CLASP2: variants seen among roughly 807,000 people sequenced by gnomAD.
CLASP2 encodes the protein CLIP-associating protein 2.
CLASP2 carries 47 observed loss-of-function variants against 194.4 expected under a neutral mutation model. The ratio of observed to expected loss-of-function variants is 0.24; its 90% CI spans 0.19 to 0.31. The LOEUF (loss-of-function observed/expected upper bound fraction) is 0.31, where lower values mean the gene tolerates loss of function less well. Among genes scored for constraint, CLASP2 ranks in the 10% least tolerant of loss-of-function variants. The probability of loss-of-function intolerance (pLI) is 1.00; values close to 1 mark genes in which losing one functional copy is unlikely to be tolerated. For missense variants in CLASP2, 1,445 were observed against 1,823.6 expected, an observed-to-expected ratio of 0.79 and a Z score of 3.78; for synonymous variants, 619 against 633.5, an observed-to-expected ratio of 0.98 and a Z score of 0.34.
intron 8 of CLASP2, among the ~76,000 whole-genome samples, chr3:33,637,832 C>CT (rs1349027525): frequency 1.3e-5 from 2 of 152,134 alleles, no homozygotes; most frequent in African/African-American, 4.8e-5. Flanking sequence ...CACATAAAAC[C>CT]TTTGACTAAA....
chr3:33,633,080 T>C (rs1364291147), intron 8 of CLASP2, among the ~76,000 whole-genome samples: 1 of 152,178 alleles, frequency 6.6e-6, no homozygotes, highest in East Asian at 1.9e-4. Context: ...TTGCTTTCCA[T>C]TATTTGCAGT....
intron 13 of CLASP2, among the ~76,000 whole-genome samples, chr3:33,611,049 C>CACACAT (rs1233833206): frequency 1.3e-5 from 2 of 152,118 alleles, no homozygotes; most frequent in African/African-American, 2.4e-5. Flanking sequence ...TTACAACACA[C>CACACAT]ACACATACAC....
At chr3:33,553,064 A>G (rs1331967597) in intron 29 of CLASP2, among the ~76,000 whole-genome samples, 2 of 152,188 alleles carry the variant, frequency 1.3e-5, no homozygotes, top group African/African-American at 2.4e-5. Flanking sequence ...TTGAGAAAAA[A>G]TTGTCAAATT....
intron 34 of CLASP2, among the ~76,000 whole-genome samples, chr3:33,524,377 G>T (rs1233180560): frequency 1.3e-5 from 2 of 152,088 alleles, no homozygotes; most frequent in Non-Finnish European, 2.9e-5. Context: ...GTGCGTTGGT[G>T]CATGCCTGTA....
At chr3:33,616,132 T>C (rs1257819625) in intron 12 of CLASP2, among the ~76,000 whole-genome samples, 1 of 151,904 alleles carries the variant, frequency 6.6e-6, no homozygotes, top group Non-Finnish European at 1.5e-5. Flanking sequence ...CCCAAAATAA[T>C]GCCTCTGCCA....
intron 10 of CLASP2, among the ~76,000 whole-genome samples, chr3:33,624,958 G>C (rs1053793624): frequency 6.6e-6 from 1 of 151,986 alleles, no homozygotes. Context: ...AACACTGTAA[G>C]ATTATACATG....
intron 1 of CLASP2, among the ~76,000 whole-genome samples, chr3:33,700,338 AATC>A: frequency 6.6e-6 from 1 of 152,132 alleles, no homozygotes; most frequent in South Asian, 2.1e-4. Context: ...GAGGCACGAG[AATC>A]ATCTGAACTT....
chr3:33,580,432 G>A (rs2065798177), intron 23 of CLASP2, among the ~76,000 whole-genome samples: 1 of 151,924 alleles, frequency 6.6e-6, no homozygotes, highest in African/African-American at 2.4e-5. Context: ...GTGTGGTGGT[G>A]GGTGCCTGTA....
Position 33,620,506 on chromosome 3 carries a change from T to G in CLASP2, c.1182-768A>C, listed in dbSNP as rs533629994. 1.2e-3 allele frequency among the ~76,000 whole-genome samples: 183 copies of G among 152,322 alleles called. 1 individual carries two copies. Among genetic ancestry groups the G allele is most frequent in the Non-Finnish European group, 2.3e-3 (156 of 68,018 alleles). Reference sequence around the variant, plus strand: ...TAGCTCCAATAATTCAGGTTCTTGATTCAAAGAGCTCAGATTCCGACCTAT... The same window carrying G: ...TAGCTCCAATAATTCAGGTTCTTGAGTCAAAGAGCTCAGATTCCGACCTAT... On this transcript the variant is annotated intron_variant, in intron 11 of 38. Transcript: ENST00000682230.
chr3:33,525,718 G>C (rs947619196), intron 34 of CLASP2, among the ~76,000 whole-genome samples: 3 of 152,192 alleles, frequency 2.0e-5, no homozygotes, highest in African/African-American at 7.2e-5. Context: ...TCAGATACTC[G>C]GGCTTTCAGG....
intron 24 of CLASP2, chr3:33,574,634 C>T (rs946509023): frequency 8.2e-6 from 4 of 486,718 alleles, no homozygotes; most frequent in Non-Finnish European, 1.4e-5. Flanking sequence ...CAAAGAACTG[C>T]TTATTAGCAG....
At chr3:33,651,110 T>C (rs1270591240) in intron 7 of CLASP2, among the ~76,000 whole-genome samples, 2 of 152,144 alleles carry the variant, frequency 1.3e-5, no homozygotes, top group Non-Finnish European at 2.9e-5. Context: ...TGGCTGGGCG[T>C]AGTGGTTCAC....
intron 29 of CLASP2, among the ~76,000 whole-genome samples, chr3:33,552,338 C>T (rs936544343): frequency 6.6e-5 from 10 of 152,080 alleles, no homozygotes; most frequent in Admixed American, 2.0e-4. Flanking sequence ...ATGCTGGTCT[C>T]GAACTCCTGA....
chr3:33,708,524 GTATATATA>G (rs1313224061), intron 1 of CLASP2, among the ~76,000 whole-genome samples: 106 of 100,152 alleles, frequency 1.1e-3, no homozygotes, highest in African/African-American at 4.3e-3. Flanking sequence ...ATGTATATAT[GTATATATA>G]TATGTATATA....
At chr3:33,655,756 C>T (rs2154326821) in intron 7 of CLASP2, among the ~76,000 whole-genome samples, 1 of 152,212 alleles carries the variant, frequency 6.6e-6, no homozygotes. Context: ...TATATATACA[C>T]ACATACCAAG....
At chr3:33,559,120 A>T (rs1261972053) in intron 29 of CLASP2, 187 bp downstream of exon 29, 2 of 685,096 alleles carry the variant, frequency 2.9e-6, no homozygotes, top group African/African-American at 3.5e-5. Flanking sequence ...CAAAAACAAT[A>T]AAACCTTGGA....
In CLASP2 at chr3:33,506,377, C is replaced by CAAAAAAAAAAAAAAAAA. The variant is rs2048189726; in HGVS notation, c.4317+4180_4317+4181insTTTTTTTTTTTTTTTTT. Among the ~76,000 whole-genome samples, 44 of 61,876 alleles carry CAAAAAAAAAAAAAAAAA rather than the reference C, an allele frequency of 7.1e-4. 10 individuals carry two copies. Among genetic ancestry groups the CAAAAAAAAAAAAAAAAA allele is most frequent in the African/African-American group, 2.5e-3 (43 of 17,540 alleles). The allele number at this position is 61,876 out of a possible 152,430, so 40.6% of individuals were successfully genotyped here. A position where few individuals can be genotyped will look rare whatever the true frequency, so the allele number is the denominator to read the frequency against. ...TGGGTGACAGAGTGAGACTCTGTCTCGAAAAAAAAAAAAAAAAAAAAAAAA... is the reference window on the plus strand; with the variant it reads ...TGGGTGACAGAGTGAGACTCTGTCTCAAAAAAAAAAAAAAAAAGAAAAAAAAAAAAAAAAAAAAAAAA... On this transcript the variant is annotated intron_variant, in intron 37 of 38. Coordinates refer to ENST00000682230, the MANE Select transcript of CLASP2 (RefSeq NM_001365631.1).
chr3:33,644,873 T>C lies in CLASP2; in HGVS notation c.746A>G (p.Asp249Gly), dbSNP rs776443036. The change falls in exon 8 of 39, where the codon GAT becomes GGT. Residue 249 changes from aspartate to glycine, a missense_variant. Around this residue, in one of 4 missense-constraint regions of CLASP2, gnomAD observed 332 missense variants for 325.3 expected, o/e 1.02. Transcript: ENST00000682230. ...DKSFDDEESVDGNRPSSAASA... is the reference protein window; with the variant it reads ...DKSFDDEESVGGNRPSSAASA... ...TGCAGCTGATGATGGCCTATTTCCA[T>C]CCACTGATTCTTCATCATCGAAGCT... 1 of 1,605,670 alleles carries C rather than the reference T, an allele frequency of 6.2e-7. No homozygotes were observed. The highest frequency in any genetic ancestry group is 8.5e-7 in the Non-Finnish European group (1 of 1,175,540).
At position 33,498,358 on chromosome 3, in the gene CLASP2, T is replaced by G; in HGVS notation, c.*273A>C. On this transcript the variant is annotated 3_prime_UTR_variant, in exon 39 of 39. Coordinates refer to ENST00000682230, the MANE Select transcript of CLASP2 (RefSeq NM_001365631.1). ...TTAATGGGAAGACAAAGTACAAACA[T>G]GTGAAATGATGAATTAAATTAAAAA... The G allele has an allele frequency of 3.5e-6, 1 of 288,730 alleles. No homozygotes were observed. The highest frequency in any genetic ancestry group is 6.0e-5 in the East Asian group (1 of 16,602). The allele number at this position is 288,730 out of a possible 1,614,324, so 17.9% of individuals were successfully genotyped here.
Sources: allele counts gnomAD v4.1 joint callset (sites outside exome capture counted in the v4.1 genomes callset), GRCh38; gene constraint gnomAD v4.1.1; regional missense constraint gnomAD v4.1.1; transcripts MANE v1.5; gene names NCBI Gene and HGNC (gene_info 2026-07-23, HGNC 2026-07-21).